Variants in STK10 observed in about 807,000 individuals in gnomAD.
The protein encoded by STK10 is serine/threonine kinase 10.
Under a neutral mutation model 113.8 loss-of-function variants are expected in STK10, and 78 were observed. That is an observed-to-expected ratio of 0.69 (90% CI 0.57 to 0.83). The LOEUF (loss-of-function observed/expected upper bound fraction) is 0.83, where lower values mean the gene tolerates loss of function less well. STK10 is among the 40% of genes least tolerant of loss of function. STK10 has a pLI of 0.00. For synonymous variants in STK10, 465 were observed against 494.7 expected (o/e 0.94, Z 0.80); for missense variants, 1,109 against 1,280.1 (o/e 0.87, Z 2.04).
intron 5 of STK10, 105 bp downstream of exon 5, chr5:172,107,675 G>A (rs922635336): frequency 2.0e-5 from 22 of 1,124,564 alleles, no homozygotes; most frequent in South Asian, 2.8e-5. Context: ...GAGGCAGGGC[G>A]TGTAGCCCTT....
intron 10 of STK10, among the ~76,000 whole-genome samples, chr5:172,084,213 C>A (rs1316504684): frequency 1.3e-5 from 2 of 151,802 alleles, no homozygotes; most frequent in Non-Finnish European, 2.9e-5. Flanking sequence ...ACCAGCCTGA[C>A]CAACATGGAG....
In STK10 at chr5:172,161,452, C is replaced by CA. The variant is rs566056414; in HGVS notation, c.157-4665dup. Among the ~76,000 whole-genome samples the CA allele has an allele frequency of 1.3e-3, 186 of 138,026 alleles. 1 individual carries two copies. In the South Asian group the frequency reaches 0.024, roughly 18 times the overall value. 90.6% of individuals were successfully genotyped at this position (138,026 alleles called of 152,430 possible). On this transcript the variant is annotated intron_variant, in intron 1 of 18. Transcript: ENST00000176763. ...TGGGTGACAGAGTGAGACTCCGTCT[C>CA]AAAAAAAAAAAATAAAAAAATACTG...
Position 172,107,808 on chromosome 5 carries a change from G to A in STK10, c.565C>T (p.Arg189Ter), listed in dbSNP as rs961449852. Residue 189 changes from arginine to a stop codon, truncating the protein, a stop_gained, in exon 5 of 19, where the codon CGA (arginine) becomes TGA (stop). Transcript: ENST00000176763. LOFTEE classifies it high-confidence loss of function. ...SAKNLKTLQK[R>*]DSFIGTPYWM... Reference sequence around the variant, plus strand: ...TAAGGCGTGCCGATGAAGGAATCTCGTTTCTGTAGAGTCTTCAGATTCTTG... The same window carrying A: ...TAAGGCGTGCCGATGAAGGAATCTCATTTCTGTAGAGTCTTCAGATTCTTG... 6.2e-6 allele frequency: 10 copies of A among 1,613,986 alleles called. No homozygotes were observed. The highest frequency in any genetic ancestry group is 5.5e-5 in the South Asian group (5 of 91,074).
At chr5:172,103,973 C>T (rs1342268853) in intron 7 of STK10, among the ~76,000 whole-genome samples, 1 of 152,186 alleles carries the variant, frequency 6.6e-6, no homozygotes, top group South Asian at 2.1e-4. Context: ...GCAGAGCTGT[C>T]GAACCCTGGA....
chr5:172,122,869 C>T (rs966092398), intron 3 of STK10, among the ~76,000 whole-genome samples: 5 of 152,170 alleles, frequency 3.3e-5, no homozygotes, highest in African/African-American at 4.8e-5. Flanking sequence ...ATGATCCACC[C>T]GCCTCGGCCT....
Position 172,057,406 on chromosome 5 carries a change from C to CA in STK10, c.2279_2280insT (p.Gln760HisfsTer19). On this transcript the variant is annotated frameshift_variant, in exon 15 of 19. Coordinates refer to ENST00000176763, the MANE Select transcript of STK10 (RefSeq NM_005990.4). LOFTEE classifies it high-confidence loss of function. ...GGAGGAAGTACTGGTCTTTGAGCTGCTGCTTCACCAGCTGGTGCCTCTCCT... is the reference window on the plus strand; with the variant it reads ...GGAGGAAGTACTGGTCTTTGAGCTGCATGCTTCACCAGCTGGTGCCTCTCCT... The CA allele has an allele frequency of 6.4e-7, 1 of 1,554,998 alleles. No individual in the cohort carries two copies. The highest frequency in any genetic ancestry group is 8.7e-7 in the Non-Finnish European group (1 of 1,149,490).
intron 2 of STK10, among the ~76,000 whole-genome samples, chr5:172,152,150 C>T (rs1388551048): frequency 1.3e-5 from 2 of 152,238 alleles, no homozygotes; most frequent in African/African-American, 4.8e-5. Flanking sequence ...TGCCCAAGTC[C>T]TCTCATCTAC....
rs370301917 is a variant in STK10 at position 172,048,414 on chromosome 5, TACACACAC to T, written c.2767-3400_2767-3393del. ...AAATCAATTTCCCTCTCCCTCTCCCTACACACACACACACACACACACACACACACACA... is the reference window on the plus strand; with the variant it reads ...AAATCAATTTCCCTCTCCCTCTCCCTACACACACACACACACACACACACA... On this transcript the variant is annotated intron_variant, in intron 18 of 18. Coordinates refer to ENST00000176763, the MANE Select transcript of STK10 (RefSeq NM_005990.4). Among the ~76,000 whole-genome samples, 385 of 128,482 alleles carry T rather than the reference TACACACAC, an allele frequency of 3.0e-3. 6 individuals are homozygous for T. The highest frequency in any genetic ancestry group is 0.01 in the African/African-American group (325 of 32,248). 84.3% of individuals were successfully genotyped at this position (128,482 alleles called of 152,430 possible). A position where few individuals can be genotyped will look rare whatever the true frequency, so the allele number is the denominator to read the frequency against.
At chr5:172,085,075 T>A (rs1033485092) in intron 10 of STK10, among the ~76,000 whole-genome samples, 1 of 152,012 alleles carries the variant, frequency 6.6e-6, no homozygotes, top group African/African-American at 2.4e-5. Flanking sequence ...CGAGACCTCA[T>A]CTCTGCCAAA....
chr5:172,154,092 A>C (rs1406527320), intron 2 of STK10, among the ~76,000 whole-genome samples: 1 of 152,204 alleles, frequency 6.6e-6, no homozygotes, highest in Non-Finnish European at 1.5e-5. Context: ...GGTCTCCATT[A>C]CCTAAAACAG....
intron 7 of STK10, among the ~76,000 whole-genome samples, chr5:172,097,751 G>A (rs1768891525): frequency 6.6e-6 from 1 of 152,142 alleles, no homozygotes; most frequent in African/African-American, 2.4e-5. Context: ...GGACATATGT[G>A]TTTGGTTTTA....
chr5:172,142,082 G>C (rs1769984561), intron 2 of STK10, among the ~76,000 whole-genome samples: 1 of 152,178 alleles, frequency 6.6e-6, no homozygotes, highest in Non-Finnish European at 1.5e-5. Flanking sequence ...GCCAATCTAT[G>C]GGTCTGGATG....
At chr5:172,151,695 G>A (rs1364756752) in intron 2 of STK10, among the ~76,000 whole-genome samples, 2 of 152,182 alleles carry the variant, frequency 1.3e-5, no homozygotes, top group Non-Finnish European at 2.9e-5. Context: ...ATGTGTTCAT[G>A]CGCTGTTAGT....
chr5:172,064,374 A>C (rs1243349395), intron 13 of STK10: 2 of 287,644 alleles, frequency 7.0e-6, no homozygotes, highest in Non-Finnish European at 1.3e-5. Context: ...TCAGACTTAA[A>C]AGATGCCAAG....
chr5:172,166,549 A>T (rs1465581942), intron 1 of STK10, among the ~76,000 whole-genome samples: 1 of 152,206 alleles, frequency 6.6e-6, no homozygotes, highest in Non-Finnish European at 1.5e-5. Flanking sequence ...CTGACTGATA[A>T]TCTAGGATTT....
chr5:172,069,605 T>C (rs370165740), intron 12 of STK10, among the ~76,000 whole-genome samples: 14 of 151,962 alleles, frequency 9.2e-5, no homozygotes, highest in African/African-American at 2.9e-4. Context: ...AATAAACAAA[T>C]AAATAAATAA....
intron 15 of STK10, chr5:172,056,875 A>T (rs1368278811): frequency 6.7e-6 from 1 of 148,222 alleles, no homozygotes; most frequent in African/African-American, 2.7e-5. Flanking sequence ...CCATCTCGAA[A>T]GAAAGAAAGA....
intron 7 of STK10, among the ~76,000 whole-genome samples, chr5:172,102,397 C>A (rs1158320985): frequency 6.6e-6 from 1 of 152,120 alleles, no homozygotes; most frequent in Non-Finnish European, 1.5e-5. Context: ...GCGAAAAGAT[C>A]CAAGTGCTCA....
chr5:172,146,926 G>A (rs1770099450), intron 2 of STK10, among the ~76,000 whole-genome samples: 1 of 152,194 alleles, frequency 6.6e-6, no homozygotes. Context: ...GACAGCGTCA[G>A]ATCTCACAGG....
Sources: allele counts gnomAD v4.1 joint callset (sites outside exome capture counted in the v4.1 genomes callset), GRCh38; gene constraint gnomAD v4.1.1; transcripts MANE v1.5; gene names NCBI Gene and HGNC (gene_info 2026-07-23, HGNC 2026-07-21).